The following FAM221A variants were observed in gnomAD, a reference collection of about 807,000 sequenced individuals.
FAM221A encodes protein FAM221A.
In FAM221A, 43 loss-of-function variants were observed where a neutral mutation model predicts 37.6. The observed-to-expected ratio is 1.15, with a 90% confidence interval of 0.90 to 1.48. The LOEUF (loss-of-function observed/expected upper bound fraction) is 1.48. Among genes scored for constraint, FAM221A ranks in the 40% most tolerant of loss-of-function variants. The pLI is 0.00. For synonymous variants in FAM221A, 135 were observed against 132.9 expected (o/e 1.02, Z -0.11); for missense variants, 361 against 361.5 (o/e 1.00, Z 0.01).
At chr7:23,683,248 A>C (rs1784168555) in intron 1 of FAM221A, among the ~76,000 whole-genome samples, 1 of 152,136 alleles carries the variant, frequency 6.6e-6, no homozygotes, top group Non-Finnish European at 1.5e-5. Context: ...GCCAACTCTT[A>C]ATTTCTTTTC....
downstream of FAM221A, chr7:23,703,192 T>A (rs763267699): frequency 6.6e-6 from 1 of 152,258 alleles, no homozygotes; most frequent in East Asian, 1.9e-4. Flanking sequence ...TCCACTCCTC[T>A]ACCCCTCCCT....
At chr7:23,699,520 G>GATA (rs1226299033) in intron 5 of FAM221A, among the ~76,000 whole-genome samples, 10 of 138,800 alleles carry the variant, frequency 7.2e-5, no homozygotes, top group Admixed American at 4.4e-4. Context: ...GCTTGTTTCT[G>GATA]ATAGTCACCT....
chr7:23,682,068 C>CTAT (rs890199968), intron 1 of FAM221A, among the ~76,000 whole-genome samples: 11 of 150,948 alleles, frequency 7.3e-5, no homozygotes, highest in South Asian at 2.1e-4. Flanking sequence ...CACTGCAGAC[C>CTAT]TATTATTATT....
Position 23,686,367 on chromosome 7 carries a change from G to A in FAM221A, c.239+1695G>A, listed in dbSNP as rs764065877. The A allele has an allele frequency of 3.2e-5, 12 of 376,952 alleles. No individual in the cohort carries two copies. The East Asian group carries it at 5.9e-4, about 19-fold the overall frequency. 23.4% of individuals were successfully genotyped at this position (376,952 alleles called of 1,614,324 possible). A position where few individuals can be genotyped will look rare whatever the true frequency, so the allele number is the denominator to read the frequency against. The stretch of plus-strand genomic sequence containing the variant: ...CAGCCTCGACCTCCTGGGCTCAAGC[G>A]ATCCTTCGACCTCAGCCTCCCAAGT... On this transcript the variant is annotated intron_variant, in intron 2 of 6. Transcript: ENST00000344962.
intron 4 of FAM221A, chr7:23,692,762 A>T (rs1170492870): frequency 3.1e-6 from 3 of 976,154 alleles, no homozygotes; most frequent in South Asian, 4.7e-5. Flanking sequence ...CCCCGAGGGT[A>T]ATTTGCTATC....
Position 23,684,646 on chromosome 7 carries a change from A to G in FAM221A, c.213A>G (p.Pro71=), listed in dbSNP as rs1156987347. 1 of 1,612,088 alleles carries G rather than the reference A, an allele frequency of 6.2e-7. No individual in the cohort carries two copies. Among genetic ancestry groups the G allele is most frequent in the Non-Finnish European group, 8.5e-7 (1 of 1,179,574 alleles). Residue 71 remains proline (P), a synonymous_variant, in exon 2 of 7, where the codon CCA becomes CCG. Transcript: ENST00000344962. ...PTGMDCKLVG[P]ETLCFCTHRY... ...GGATGGATTGTAAACTTGTGGGCCC[A>G]GAGACACTGTGTTTTTGTACACATA...
chr7:23,684,884 A>G (rs1187856724), intron 2 of FAM221A, among the ~76,000 whole-genome samples: 3 of 152,064 alleles, frequency 2.0e-5, no homozygotes, highest in Non-Finnish European at 1.5e-5. Context: ...CCAGGAGTTT[A>G]GTCTGCAGTG....
At chr7:23,682,432 TATTA>T (rs1562514021) in intron 1 of FAM221A, among the ~76,000 whole-genome samples, 2 of 72,082 alleles carry the variant, frequency 2.8e-5, no homozygotes, top group Non-Finnish European at 6.2e-5. Context: ...TTATTATTAT[TATTA>T]TTATTTTTTT....
At chr7:23,685,979 T>C (rs1182309097) in intron 2 of FAM221A, among the ~76,000 whole-genome samples, 4 of 152,226 alleles carry the variant, frequency 2.6e-5, no homozygotes, top group Admixed American at 6.5e-5. Context: ...AGAGACTCTT[T>C]GTATAGTTGC....
chr7:23,692,978 T>G (rs1784839266), intron 4 of FAM221A: 1 of 154,258 alleles, frequency 6.5e-6, no homozygotes. Flanking sequence ...TTACTTTTTT[T>G]TCAACTTAGA....
chr7:23,682,299 C>T (rs1584246171), intron 1 of FAM221A, among the ~76,000 whole-genome samples: 2 of 151,628 alleles, frequency 1.3e-5, no homozygotes, highest in African/African-American at 4.8e-5. Context: ...ATCCTGGCCT[C>T]AAGCAATCCT....
intron 1 of FAM221A, among the ~76,000 whole-genome samples, chr7:23,682,395 GTGTA>G (rs1729201739): frequency 9.7e-6 from 1 of 102,620 alleles, no homozygotes; most frequent in East Asian, 3.1e-4. Flanking sequence ...GTGTGTGTGT[GTGTA>G]TGTATATATA....
At chr7:23,689,534 A>G in intron 3 of FAM221A, 75 bp downstream of exon 3, 2 of 1,144,902 alleles carry the variant, frequency 1.7e-6, no homozygotes, top group Non-Finnish European at 2.4e-6. Context: ...GTGCTTTTTT[A>G]CTGGTTGTAG....
chr7:23,681,776 A>G (rs536303816), intron 1 of FAM221A, among the ~76,000 whole-genome samples: 2 of 152,276 alleles, frequency 1.3e-5, no homozygotes, highest in African/African-American at 4.8e-5. Flanking sequence ...CAGGTCCTTT[A>G]CTGACGTCAG....
At chr7:23,697,330 A>C (rs753660282) in intron 4 of FAM221A, among the ~76,000 whole-genome samples, 34 of 152,316 alleles carry the variant, frequency 2.2e-4, no homozygotes, top group South Asian at 2.1e-4. Context: ...TAGAGATAGC[A>C]GTGTAGGGGA....
Position 23,702,246 on chromosome 7 carries a change from G to T in FAM221A, c.*82G>T. 4.6e-6 allele frequency: 4 copies of T among 869,264 alleles called. No individual in the cohort carries two copies. Among genetic ancestry groups the T allele is most frequent in the Admixed American group, 3.5e-5 (1 of 28,778 alleles). The allele number at this position is 869,264 out of a possible 1,614,324, so 53.8% of individuals were successfully genotyped here. On this transcript the variant is annotated 3_prime_UTR_variant, in exon 7 of 7. Transcript: ENST00000344962. ...TGTAATAATACAGTTTATTTTTCCTGAAATTATTTACTTTTTTTTTTTACT... is the reference window on the plus strand; with the variant it reads ...TGTAATAATACAGTTTATTTTTCCTTAAATTATTTACTTTTTTTTTTTACT...
intron 4 of FAM221A, chr7:23,694,642 A>G (rs573081516): frequency 6.6e-6 from 1 of 152,320 alleles, no homozygotes; most frequent in Admixed American, 6.5e-5. Context: ...TATTTTACAG[A>G]TGAGGATACG....
At chr7:23,690,837 A>G (rs769954953) in intron 3 of FAM221A, among the ~76,000 whole-genome samples, 2 of 152,146 alleles carry the variant, frequency 1.3e-5, no homozygotes, top group Non-Finnish European at 2.9e-5. Flanking sequence ...GGATTTGCCT[A>G]TTCTGGACAT....
chr7:23,683,025 T>G (rs1784150924), intron 1 of FAM221A, among the ~76,000 whole-genome samples: 1 of 152,226 alleles, frequency 6.6e-6, no homozygotes, highest in South Asian at 2.1e-4. Context: ...GTTTTTCTTT[T>G]TTTCTAATGG....
Sources: allele counts gnomAD v4.1 joint callset (sites outside exome capture counted in the v4.1 genomes callset), GRCh38; gene constraint gnomAD v4.1.1; transcripts MANE v1.5; gene names NCBI Gene and HGNC (gene_info 2026-07-23, HGNC 2026-07-21).